Variants in TRANK1 observed in about 807,000 individuals in gnomAD.
TRANK1 encodes the protein tetratricopeptide repeat and ankyrin repeat containing 1.
In TRANK1, 198 loss-of-function variants were observed where a neutral mutation model predicts 266.0. The observed-to-expected ratio is 0.74, with a 90% CI of 0.66 to 0.84. TRANK1 has a LOEUF of 0.84. Ranked by LOEUF, TRANK1 falls within the 40% of genes least tolerant of loss-of-function variation. TRANK1 has a pLI of 0.00. For missense variants in TRANK1, 3,326 were observed against 3,634.6 expected, an observed-to-expected ratio of 0.92 and a Z score of 2.18; for synonymous variants, 1,396 against 1,384.1, an observed-to-expected ratio of 1.01 and a Z score of -0.19.
In TRANK1 at chr3:36,856,678, G is replaced by A. The variant is rs775968702; in HGVS notation, c.3044C>T (p.Pro1015Leu). The change falls in exon 13 of 24, where the codon CCC becomes CTC. Residue 1015 changes from proline to leucine, a missense_variant. By Grantham distance (98) the Pro-to-Leu change is moderately conservative (BLOSUM62 -3). Transcript: ENST00000645898. ...GREHVNPEYFPPASAVETEYN... is the reference protein window; with the variant it reads ...GREHVNPEYFLPASAVETEYN... ...TTCTGTCTCCACTGCACTGGCTGGGGGAAAGTACTCAGGATTGACATGCTC... is the reference window on the plus strand; with the variant it reads ...TTCTGTCTCCACTGCACTGGCTGGGAGAAAGTACTCAGGATTGACATGCTC... The A allele has an allele frequency of 6.8e-6, 11 of 1,613,914 alleles. No individual in the cohort carries two copies. Among genetic ancestry groups the A allele is most frequent in the Admixed American group, 5.0e-5 (3 of 60,008 alleles).
At position 36,899,122 on chromosome 3, in the gene TRANK1, G is replaced by T; in HGVS notation, c.420C>A (p.Phe140Leu). The part of the protein sequence containing the change: ...APVADFLVGV[F>L]TTMSSDSIVL... The stretch of plus-strand genomic sequence containing the variant: ...GTTCCAACTTACTGCTCATAGTGGT[G>T]AAGACTCCAACAAGGAAATCAGCAA... The change falls in exon 4 of 24, where the codon TTC (phenylalanine) becomes TTA (leucine). Residue 140 changes from phenylalanine to leucine, a missense_variant. Physicochemically the swap from Phe to Leu is conservative, Grantham distance 22 (BLOSUM62 0). Transcript: ENST00000645898. 1 of 1,537,250 alleles carries T rather than the reference G, an allele frequency of 6.5e-7. No individual in the cohort carries two copies. The highest frequency in any genetic ancestry group is 8.7e-7 in the Non-Finnish European group (1 of 1,146,914).
rs1337076813 is a variant in TRANK1, at chr3:36,832,044, C to T, written c.7539G>A (p.Lys2513=). 1.2e-6 allele frequency: 2 copies of T among 1,614,060 alleles called. No individual in the cohort carries two copies. Among genetic ancestry groups the T allele is most frequent in the Non-Finnish European group, 1.7e-6 (2 of 1,179,902 alleles). The part of the protein sequence containing the change: ...VFSIIQEYKP[K]DVTRAIQDFR... ...AATCCTGAATGGCTCTTGTCACGTCCTTGGGTTTGTATTCCTGAATGATGG... is the reference window on the plus strand; with the variant it reads ...AATCCTGAATGGCTCTTGTCACGTCTTTGGGTTTGTATTCCTGAATGATGG... Residue 2513 remains lysine, a synonymous_variant, in exon 22 of 24, where the codon AAG becomes AAA. Transcript: ENST00000645898.
At chr3:36,845,262 T>C (rs982145468) in intron 17 of TRANK1, among the ~76,000 whole-genome samples, 2 of 152,236 alleles carry the variant, frequency 1.3e-5, no homozygotes, top group African/African-American at 2.4e-5. Context: ...TTGTTACCCA[T>C]AATCAGGAAC....
At chr3:36,925,325 A>T (rs887717319) in intron 1 of TRANK1, among the ~76,000 whole-genome samples, 5 of 152,184 alleles carry the variant, frequency 3.3e-5, no homozygotes, top group Non-Finnish European at 7.4e-5. Context: ...TCAGAGCTCA[A>T]ATGGTTAACC....
At chr3:36,881,813 T>C (rs900942751) in intron 8 of TRANK1, among the ~76,000 whole-genome samples, 4 of 152,198 alleles carry the variant, frequency 2.6e-5, no homozygotes, top group African/African-American at 7.2e-5. Context: ...GGGATTTCCT[T>C]ATTCCGGACA....
chr3:36,841,435 G>C (rs1350905156), intron 18 of TRANK1, among the ~76,000 whole-genome samples: 1 of 152,176 alleles, frequency 6.6e-6, no homozygotes, highest in African/African-American at 2.4e-5. Flanking sequence ...AGAAATCTTA[G>C]GGAAATGAGC....
chr3:36,864,302 G>T lies in TRANK1; in HGVS notation c.1240+17C>A, dbSNP rs372035748. 3.4e-6 allele frequency: 5 copies of T among 1,485,528 alleles called. No homozygotes were observed. Among genetic ancestry groups the T allele is most frequent in the Middle Eastern group, 1.7e-4 (1 of 5,754 alleles). The allele number at this position is 1,485,528 out of a possible 1,614,324, so 92.0% of individuals were successfully genotyped here. On this transcript the variant is annotated intron_variant, in intron 10 of 23. Coordinates refer to ENST00000645898, the MANE Select transcript of TRANK1 (RefSeq NM_001329998.2). ...TAAATCATTTTTAACATCATTGAAC[G>T]TTGTGGAAAAAATTACCTTGCAGAG...
At chr3:36,879,695 T>C (rs867879203) in intron 8 of TRANK1, among the ~76,000 whole-genome samples, 1 of 80,642 alleles carries the variant, frequency 1.2e-5, no homozygotes, top group East Asian at 5.4e-4. Context: ...TATAAATATA[T>C]AAATATAAAT....
intron 8 of TRANK1, among the ~76,000 whole-genome samples, chr3:36,883,462 C>A (rs1303639061): frequency 3.0e-5 from 4 of 131,818 alleles, no homozygotes; most frequent in Non-Finnish European, 1.6e-5. Flanking sequence ...AAAAAAAACG[C>A]AGAGAAAAGA....
intron 1 of TRANK1, among the ~76,000 whole-genome samples, chr3:36,929,152 T>C (rs1439728333): frequency 6.6e-6 from 1 of 151,684 alleles, no homozygotes; most frequent in East Asian, 1.9e-4. Flanking sequence ...ATTAATTTTT[T>C]TTTTTTTTTT....
intron 18 of TRANK1, among the ~76,000 whole-genome samples, chr3:36,841,578 C>G (rs1254187199): frequency 6.6e-6 from 1 of 152,326 alleles, no homozygotes; most frequent in Admixed American, 6.5e-5. Context: ...ATTGCTCTCC[C>G]AGACTCTCTT....
intron 2 of TRANK1, 147 bp from the exon 3 acceptor site, chr3:36,903,422 G>T: frequency 1.0e-6 from 1 of 959,740 alleles, no homozygotes; most frequent in Non-Finnish European, 1.5e-6. Flanking sequence ...CAGTCTCCCA[G>T]ACCCCAAACG....
At chr3:36,876,352 T>TCC (rs2079388006) in intron 8 of TRANK1, among the ~76,000 whole-genome samples, 1 of 152,226 alleles carries the variant, frequency 6.6e-6, no homozygotes, top group South Asian at 2.1e-4. Flanking sequence ...CATACCCTCT[T>TCC]CCAGAGGCTA....
rs1575348184 is a variant in TRANK1 at position 36,944,955 on chromosome 3, C to T, written c.-146G>A. The T allele has an allele frequency of 1.4e-6, 1 of 737,672 alleles. No homozygotes were observed. The highest frequency in any genetic ancestry group is 2.0e-6 in the Non-Finnish European group (1 of 509,852). The allele number at this position is 737,672 out of a possible 1,614,324, so 45.7% of individuals were successfully genotyped here. A position where few individuals can be genotyped will look rare whatever the true frequency, so the allele number is the denominator to read the frequency against. Reference sequence around the variant, plus strand: ...GCGATGCAGAGGCGGCGTTCGGGGGCCCCCAGCTGCCTGCGGCTCGGCTAC... The same window carrying T: ...GCGATGCAGAGGCGGCGTTCGGGGGTCCCCAGCTGCCTGCGGCTCGGCTAC... On this transcript the variant is annotated 5_prime_UTR_variant, in exon 1 of 24. Coordinates refer to ENST00000645898, the MANE Select transcript of TRANK1 (RefSeq NM_001329998.2).
chr3:36,846,511 T>G (rs1476054805), intron 16 of TRANK1, 107 bp from the exon 17 acceptor site: 61 of 1,140,508 alleles, frequency 5.3e-5, no homozygotes, highest in Non-Finnish European at 8.6e-6. Flanking sequence ...AAAACTAAAT[T>G]TTAGAGAAGC....
rs1273387391 is a variant in TRANK1 at position 36,855,292 on chromosome 3, C to T, written c.4430G>A (p.Arg1477His). ...AQSIMKGVAF[R>H]FSDLRSLFHY... is the part of the protein sequence containing the mutation. ...GAACAGAGAGCGCAGATCGCTGAAG[C>T]GGAAGGCCACGCCCTTCATGATGCT... Residue 1477 changes from arginine to histidine, a missense_variant, in exon 13 of 24, where the codon CGC becomes CAC. Arg to His is a conservative substitution (Grantham distance 29, BLOSUM62 0). Transcript: ENST00000645898. The T allele has an allele frequency of 2.0e-5, 33 of 1,613,914 alleles. No individual in the cohort carries two copies. Among genetic ancestry groups the T allele is most frequent in the Middle Eastern group, 3.3e-4 (2 of 6,084 alleles).
At chr3:36,945,326 A>AAAGT (rs2080558375), upstream of TRANK1, among the ~76,000 whole-genome samples, 1 of 152,148 alleles carries the variant, frequency 6.6e-6, no homozygotes, top group African/African-American at 2.4e-5. Context: ...GGAGGTAAAG[A>AAAGT]AAGTGATCGG....
chr3:36,859,726 T>G (rs1575215949), intron 11 of TRANK1, among the ~76,000 whole-genome samples: 1 of 152,308 alleles, frequency 6.6e-6, no homozygotes, highest in Non-Finnish European at 1.5e-5. Flanking sequence ...TGGGCTTGGT[T>G]CCTAGCACCT....
chr3:36,898,809 T>C (rs950157504), intron 4 of TRANK1, among the ~76,000 whole-genome samples: 6 of 146,658 alleles, frequency 4.1e-5, no homozygotes, highest in Non-Finnish European at 7.4e-5. Flanking sequence ...CAAGATCGCA[T>C]CACTGCACTC....
Sources: allele counts gnomAD v4.1 joint callset (sites outside exome capture counted in the v4.1 genomes callset), GRCh38; gene constraint gnomAD v4.1.1; transcripts MANE v1.5; gene names NCBI Gene and HGNC (gene_info 2026-07-23, HGNC 2026-07-21).